The following TRIM69 variants were observed in gnomAD, a reference collection of about 807,000 sequenced individuals.
TRIM69 encodes the protein E3 ubiquitin-protein ligase TRIM69.
A neutral mutation model predicts 37.7 loss-of-function variants in TRIM69; 29 were observed. The observed-to-expected ratio is 0.77, with a 90% CI of 0.57 to 1.05. The LOEUF is 1.05. Among genes scored for constraint, TRIM69 ranks in the 50% least tolerant of loss-of-function variants. The pLI is 0.00. For synonymous variants in TRIM69, 209 were observed against 212.4 expected, an observed-to-expected ratio of 0.98 and a Z score of 0.14; for missense variants, 596 against 579.9, an observed-to-expected ratio of 1.03 and a Z score of -0.28.
chr15:44,754,861 C>T, intron 1 of TRIM69, 39 bp from the exon 2 acceptor site: 1 of 1,478,930 alleles, frequency 6.8e-7, no homozygotes, highest in South Asian at 1.2e-5. Context: ...AAATGGGCAA[C>T]AAGAAAGATA....
intron 6 of TRIM69, among the ~76,000 whole-genome samples, chr15:44,763,355 G>A (rs1179740096): frequency 2.6e-5 from 4 of 152,212 alleles, no homozygotes; most frequent in Admixed American, 2.0e-4. Flanking sequence ...TAGCATTAAA[G>A]TGTCATTGTC....
chr15:44,751,955 A>G (rs950617727), intron 1 of TRIM69, among the ~76,000 whole-genome samples: 1 of 145,716 alleles, frequency 6.9e-6, no homozygotes, highest in South Asian at 2.2e-4. Context: ...GGGTTTCACT[A>G]GGTTGCCCAG....
At chr15:44,755,743 G>T (rs2087633066) in intron 2 of TRIM69, among the ~76,000 whole-genome samples, 1 of 152,186 alleles carries the variant, frequency 6.6e-6, no homozygotes, top group Non-Finnish European at 1.5e-5. Flanking sequence ...ATAGCCTCGT[G>T]TTAAAAGTTA....
intron 6 of TRIM69, among the ~76,000 whole-genome samples, chr15:44,764,281 G>C (rs547922220): frequency 6.6e-6 from 1 of 152,064 alleles, no homozygotes; most frequent in Admixed American, 6.6e-5. Flanking sequence ...AACCAAATGA[G>C]ATTTATTTAA....
At chr15:44,762,980 GT>G (rs1352068701) in intron 6 of TRIM69, among the ~76,000 whole-genome samples, 1 of 152,198 alleles carries the variant, frequency 6.6e-6, no homozygotes, top group Non-Finnish European at 1.5e-5. Context: ...ATAGTATAGA[GT>G]TTTTTATATG....
chr15:44,767,053 C>CAAAAAAAAA (rs55736812), intron 6 of TRIM69, among the ~76,000 whole-genome samples, 178 bp from the exon 7 acceptor site: 1,025 of 24,318 alleles, frequency 0.042, 402 homozygotes, highest in East Asian at 0.053. Flanking sequence ...TTGTCTGCCT[C>CAAAAAAAAA]AAAAAAAAAA....
chr15:44,743,102 G>C (rs554885668), intron 1 of TRIM69, among the ~76,000 whole-genome samples: 2 of 152,232 alleles, frequency 1.3e-5, no homozygotes, highest in East Asian at 1.9e-4. Context: ...GCATGGTACT[G>C]GTACCAAAAC....
chr15:44,736,771 AT>A (rs2087171679), intron 1 of TRIM69, 61 bp downstream of exon 1: 1 of 1,583,322 alleles, frequency 6.3e-7, no homozygotes, highest in African/African-American at 1.4e-5. Context: ...GGAAAACAGG[AT>A]CATAGAAGAG....
At chr15:44,738,042 C>T (rs1375267627) in intron 1 of TRIM69, among the ~76,000 whole-genome samples, 1 of 113,108 alleles carries the variant, frequency 8.8e-6, no homozygotes, top group Non-Finnish European at 1.8e-5. Flanking sequence ...AAGATACATA[C>T]TTTCTTTCTT....
At chr15:44,765,722 C>A (rs1360829327) in intron 6 of TRIM69, among the ~76,000 whole-genome samples, 2 of 151,792 alleles carry the variant, frequency 1.3e-5, no homozygotes, top group African/African-American at 2.4e-5. Flanking sequence ...CCACTGCACT[C>A]CAGCCTGGGG....
At chr15:44,758,548 T>G in intron 3 of TRIM69, 73 bp from the exon 4 acceptor site, 1 of 1,581,082 alleles carries the variant, frequency 6.3e-7, no homozygotes, top group Non-Finnish European at 8.6e-7. Context: ...TGTGTGAGTG[T>G]TGGTGGTGTG....
At chr15:44,759,093 A>G (rs2087717930) in intron 4 of TRIM69, among the ~76,000 whole-genome samples, 1 of 152,224 alleles carries the variant, frequency 6.6e-6, no homozygotes, top group Non-Finnish European at 1.5e-5. Flanking sequence ...TCCATTAATA[A>G]TAGTATATAG....
chr15:44,740,538 G>C (rs557033725), intron 1 of TRIM69, among the ~76,000 whole-genome samples: 4 of 152,302 alleles, frequency 2.6e-5, no homozygotes, highest in African/African-American at 9.6e-5. Context: ...GTGCTTAAAG[G>C]AGCTGATGGA....
chr15:44,748,444 A>G (rs942049640), intron 1 of TRIM69, among the ~76,000 whole-genome samples: 2 of 151,864 alleles, frequency 1.3e-5, no homozygotes, highest in Non-Finnish European at 2.9e-5. Flanking sequence ...TCTGGTGGCC[A>G]CTTCTGGTGG....
At chr15:44,766,275 C>G (rs1596039739) in intron 6 of TRIM69, among the ~76,000 whole-genome samples, 1 of 152,170 alleles carries the variant, frequency 6.6e-6, no homozygotes, top group African/African-American at 2.4e-5. Context: ...AATTTCTATA[C>G]TATCTTTGTC....
At chr15:44,761,341 G>A (rs928629795) in intron 6 of TRIM69, among the ~76,000 whole-genome samples, 3 of 152,152 alleles carry the variant, frequency 2.0e-5, no homozygotes, top group African/African-American at 7.2e-5. Flanking sequence ...TATCCATCCT[G>A]CAATTAGTGA....
intron 6 of TRIM69, among the ~76,000 whole-genome samples, chr15:44,763,059 T>C (rs1272266125): frequency 6.6e-6 from 1 of 152,206 alleles, no homozygotes; most frequent in Non-Finnish European, 1.5e-5. Flanking sequence ...ATGAACCAAA[T>C]TGATACATTA....
intron 1 of TRIM69, among the ~76,000 whole-genome samples, chr15:44,745,593 T>C (rs1323792048): frequency 2.0e-5 from 3 of 152,144 alleles, no homozygotes; most frequent in Non-Finnish European, 2.9e-5. Flanking sequence ...TAGACAAAGA[T>C]TTTATATCAA....
chr15:44,762,550 T>A (rs1427523710), intron 6 of TRIM69, among the ~76,000 whole-genome samples: 1 of 152,110 alleles, frequency 6.6e-6, no homozygotes, highest in African/African-American at 2.4e-5. Flanking sequence ...ATTCAGTACT[T>A]TTTTAGCCTT....
Sources: allele counts gnomAD v4.1 joint callset (sites outside exome capture counted in the v4.1 genomes callset), GRCh38; gene constraint gnomAD v4.1.1; transcripts MANE v1.5; gene names NCBI Gene and HGNC (gene_info 2026-07-23, HGNC 2026-07-21).